The following PPP2R5A variants were observed in gnomAD, a reference collection of about 807,000 sequenced individuals.
PPP2R5A encodes the protein protein phosphatase 2 regulatory subunit B'alpha, also known as serine/threonine-protein phosphatase 2A 56 kDa regulatory subunit alpha isoform.
PPP2R5A carries 25 observed loss-of-function variants against 64.2 expected under a neutral mutation model. That is an observed-to-expected ratio of 0.39 (90% CI 0.28 to 0.54). PPP2R5A has a LOEUF of 0.54. Among genes scored for constraint, PPP2R5A ranks in the 20% least tolerant of loss-of-function variants. The pLI, the probability that PPP2R5A is intolerant of heterozygous loss-of-function variation, is 0.67. For synonymous variants in PPP2R5A, 198 were observed against 201.2 expected (o/e 0.98, Z 0.13); for missense variants, 425 against 576.3 (o/e 0.74, Z 2.69).
intron 1 of PPP2R5A, among the ~76,000 whole-genome samples, chr1:212,321,488 G>A (rs1464718657): frequency 8.9e-5 from 13 of 146,414 alleles, no homozygotes; most frequent in African/African-American, 1.3e-4. Flanking sequence ...GCTGCCGGGC[G>A]GAGGGGCTCC....
At chr1:212,321,763 G>C (rs977047424) in intron 1 of PPP2R5A, among the ~76,000 whole-genome samples, 3 of 151,636 alleles carry the variant, frequency 2.0e-5, no homozygotes, top group African/African-American at 4.9e-5. Context: ...AGGCAGAGAC[G>C]CTCCTCACTT....
intron 8 of PPP2R5A, chr1:212,352,944 T>TA (rs1558155299): frequency 1.9e-6 from 1 of 518,766 alleles, no homozygotes; most frequent in Non-Finnish European, 3.8e-6. Flanking sequence ...TTTGGGAAAA[T>TA]ACCATTCCAT....
chr1:212,301,480 G>T (rs1225449692), intron 1 of PPP2R5A, among the ~76,000 whole-genome samples: 2 of 152,056 alleles, frequency 1.3e-5, no homozygotes, highest in Non-Finnish European at 2.9e-5. Context: ...TATCAAACTG[G>T]CAGTGCGTAT....
Position 212,356,632 on chromosome 1 carries a change from A to G in PPP2R5A, c.934A>G (p.Arg312Gly), listed in dbSNP as rs766203588. The part of the protein sequence containing the change: ...KDTTLTEPVI[R>G]GLLKFWPKTC... ...AACTTTTTCTTTTTCGCAGGTGATC[A>G]GAGGACTGCTGAAATTTTGGCCAAA... The change falls in exon 9 of 13, where the codon AGA (arginine) becomes GGA (glycine). Residue 312 changes from arginine to glycine, a missense_variant. By Grantham distance (125) the Arg-to-Gly change is moderately radical. Coordinates refer to ENST00000261461, the MANE Select transcript of PPP2R5A (RefSeq NM_006243.4). 6.2e-7 allele frequency: 1 copy of G among 1,612,352 alleles called. No individual in the cohort carries two copies. The highest frequency in any genetic ancestry group is 1.1e-5 in the South Asian group (1 of 90,642).
chr1:212,317,638 C>T (rs1261957010), intron 1 of PPP2R5A, among the ~76,000 whole-genome samples: 1 of 151,988 alleles, frequency 6.6e-6, no homozygotes, highest in Admixed American at 6.6e-5. Flanking sequence ...TACTGCCCAC[C>T]AATGGCGTGC....
intron 3 of PPP2R5A, among the ~76,000 whole-genome samples, chr1:212,335,697 T>G (rs1439003187): frequency 6.6e-6 from 1 of 152,192 alleles, no homozygotes; most frequent in East Asian, 1.9e-4. Flanking sequence ...AAATCCTAAG[T>G]GGTAAATTAT....
Position 212,349,248 on chromosome 1 carries a change from T to G in PPP2R5A, c.927+6T>G. ...ATACAACACTAACAGAGCCAGTAAG[T>G]GTTCTATTTATTTTCATGTTTTTGG... On this transcript the variant is annotated splice_donor_region_variant and intron_variant, in intron 8 of 12. Coordinates refer to ENST00000261461, the MANE Select transcript of PPP2R5A (RefSeq NM_006243.4). 6.4e-7 allele frequency: 1 copy of G among 1,557,372 alleles called. No individual in the cohort carries two copies. Among genetic ancestry groups the G allele is most frequent in the Non-Finnish European group, 8.8e-7 (1 of 1,140,282 alleles).
chr1:212,345,798 T>C lies in PPP2R5A; in HGVS notation c.574-5T>C. ...TAAAAGTAATTTCTCAGGTTTCTTT[T>C]AAAGCTCCTGGAGCTTTTTGATAGT... On this transcript the variant is annotated splice_polypyrimidine_tract_variant and splice_region_variant and intron_variant, in intron 4 of 12. Transcript: ENST00000261461. The C allele has an allele frequency of 1.3e-6, 2 of 1,585,166 alleles. No homozygotes were observed. The highest frequency in any genetic ancestry group is 1.7e-6 in the Non-Finnish European group (2 of 1,172,464).
At chr1:212,323,436 T>A (rs984750163) in intron 1 of PPP2R5A, among the ~76,000 whole-genome samples, 7 of 152,246 alleles carry the variant, frequency 4.6e-5, no homozygotes, top group Non-Finnish European at 8.8e-5. Context: ...ATAGACATTA[T>A]ATACTTAATG....
chr1:212,312,809 A>AT (rs568366732), intron 1 of PPP2R5A, among the ~76,000 whole-genome samples: 21 of 152,186 alleles, frequency 1.4e-4, no homozygotes, highest in Admixed American at 1.3e-3. Context: ...ATGAACATAG[A>AT]TTTTTTTAAA....
At chr1:212,342,146 C>G (rs1205725371) in intron 3 of PPP2R5A, 42 bp from the exon 4 acceptor site, 1 of 1,604,580 alleles carries the variant, frequency 6.2e-7, no homozygotes, top group Non-Finnish European at 8.5e-7. Flanking sequence ...GGGTAATATT[C>G]TGTAGCCATC....
At chr1:212,291,573 T>G (rs2102409790) in intron 1 of PPP2R5A, among the ~76,000 whole-genome samples, 1 of 152,350 alleles carries the variant, frequency 6.6e-6, no homozygotes, top group Middle Eastern at 3.4e-3. Flanking sequence ...ATTGATTTAA[T>G]TCATTAATTG....
At chr1:212,340,727 A>C (rs193072474) in intron 3 of PPP2R5A, among the ~76,000 whole-genome samples, 3 of 152,336 alleles carry the variant, frequency 2.0e-5, no homozygotes, top group Middle Eastern at 3.4e-3. Context: ...CCTTTTCCAC[A>C]GTTGGGCAGA....
chr1:212,347,350 T>C lies in PPP2R5A; in HGVS notation c.708T>C (p.Phe236=). 6.4e-7 allele frequency: 1 copy of C among 1,572,520 alleles called. No homozygotes were observed. The highest frequency in any genetic ancestry group is 1.1e-5 in the South Asian group (1 of 87,924). ...CTTGTCTTTATTTTAAATTCAGGTT[T>C]ATATATGAAACAGAACATTTCAATG... The part of the protein sequence containing the change: ...RKQINNIFLR[F]IYETEHFNGV... Residue 236 remains phenylalanine, a synonymous_variant, in exon 6 of 13, where the codon TTT becomes TTC. Transcript: ENST00000261461.
At chr1:212,291,196 T>C (rs1350740599) in intron 1 of PPP2R5A, among the ~76,000 whole-genome samples, 1 of 152,136 alleles carries the variant, frequency 6.6e-6, no homozygotes, top group Admixed American at 6.5e-5. Flanking sequence ...CTGCCACCTC[T>C]GCCTCCCAGG....
chr1:212,304,648 A>G (rs1658862830), intron 1 of PPP2R5A, among the ~76,000 whole-genome samples: 1 of 151,452 alleles, frequency 6.6e-6, no homozygotes, highest in South Asian at 2.1e-4. Context: ...TGGCCTCTTA[A>G]CTCCTGGCCT....
intron 1 of PPP2R5A, among the ~76,000 whole-genome samples, chr1:212,303,263 C>T (rs1181203834): frequency 6.6e-6 from 1 of 152,138 alleles, no homozygotes; most frequent in Non-Finnish European, 1.5e-5. Flanking sequence ...CTTATTTTGA[C>T]TTTCTGATTA....
At chr1:212,333,744 G>T in intron 3 of PPP2R5A, 146 bp downstream of exon 3, 1 of 469,916 alleles carries the variant, frequency 2.1e-6, no homozygotes, top group Non-Finnish European at 3.8e-6. Flanking sequence ...TGCAAGTACT[G>T]TTTTTCAATG....
chr1:212,322,278 G>GAGGGAT (rs1462835998), intron 1 of PPP2R5A, among the ~76,000 whole-genome samples: 1 of 136,712 alleles, frequency 7.3e-6, no homozygotes, highest in Non-Finnish European at 1.6e-5. Flanking sequence ...GGGAGAGGGA[G>GAGGGAT]AGGAGGGAGA....
Sources: gnomAD v4.1 joint callset for allele counts (sites outside exome capture counted in the v4.1 genomes callset) on GRCh38, gnomAD v4.1.1 for gene constraint, MANE v1.5 for transcripts, NCBI Gene and HGNC (gene_info 2026-07-23, HGNC 2026-07-21) for gene names.